The following DSCAM variants were observed in gnomAD, a reference collection of about 807,000 sequenced individuals.
DSCAM encodes the protein DS cell adhesion molecule, also known as cell adhesion molecule DSCAM.
A neutral mutation model predicts 217.7 loss-of-function variants in DSCAM; 47 were observed. The ratio of observed to expected loss-of-function variants is 0.22; its 90% CI spans 0.17 to 0.28. The LOEUF (loss-of-function observed/expected upper bound fraction) is 0.28, where lower values mean the gene tolerates loss of function less well. DSCAM is among the 10% of genes least tolerant of loss of function. The pLI is 1.00. For synonymous variants in DSCAM, 1,056 were observed against 1,015.3 expected, an observed-to-expected ratio of 1.04 and a Z score of -0.76; for missense variants, 2,080 against 2,618.3, an observed-to-expected ratio of 0.79 and a Z score of 4.49.
intron 3 of DSCAM, among the ~76,000 whole-genome samples, chr21:40,464,611 AC>A (rs1383151513): frequency 6.6e-6 from 1 of 152,110 alleles, no homozygotes; most frequent in Non-Finnish European, 1.5e-5. Flanking sequence ...TGTCCAGCCC[AC>A]TTTTAAAATA....
chr21:40,022,481 A>C (rs2146424906), intron 32 of DSCAM, among the ~76,000 whole-genome samples: 1 of 152,378 alleles, frequency 6.6e-6, no homozygotes, highest in South Asian at 2.1e-4. Flanking sequence ...CAGGATAAGC[A>C]GTTGTACCCC....
At chr21:40,415,656 G>T (rs772771608) in intron 3 of DSCAM, among the ~76,000 whole-genome samples, 3 of 152,188 alleles carry the variant, frequency 2.0e-5, no homozygotes, top group Non-Finnish European at 4.4e-5. Flanking sequence ...CTGCAGAACT[G>T]CACAAATGCC....
chr21:40,545,879 G>A (rs986128466), intron 3 of DSCAM, among the ~76,000 whole-genome samples: 1 of 152,210 alleles, frequency 6.6e-6, no homozygotes, highest in African/African-American at 2.4e-5. Context: ...GAGTGGCCAC[G>A]TGTCAAGGGC....
chr21:40,156,940 C>T (rs62235663), intron 16 of DSCAM, among the ~76,000 whole-genome samples: 13,451 of 152,112 alleles, frequency 0.088, 692 homozygotes, highest in East Asian at 0.19. Context: ...ATGAGACTCT[C>T]TCAGTTGGAT....
chr21:40,517,258 TAC>T (rs1378004436), intron 3 of DSCAM, among the ~76,000 whole-genome samples: 1 of 149,412 alleles, frequency 6.7e-6, no homozygotes, highest in Non-Finnish European at 1.5e-5. Flanking sequence ...TGTATATATA[TAC>T]CTTATATATT....
At chr21:40,253,590 C>T (rs1415686200) in intron 11 of DSCAM, among the ~76,000 whole-genome samples, 1 of 152,184 alleles carries the variant, frequency 6.6e-6, no homozygotes, top group Admixed American at 6.5e-5. Flanking sequence ...GCCTCACCCC[C>T]TGACCTCTGG....
At chr21:40,633,482 T>C (rs1276855020) in intron 3 of DSCAM, among the ~76,000 whole-genome samples, 1 of 152,140 alleles carries the variant, frequency 6.6e-6, no homozygotes, top group Non-Finnish European at 1.5e-5. Flanking sequence ...ATAAATCAAA[T>C]AAACTATTAG....
At chr21:40,666,577 A>G (rs1214536340) in intron 3 of DSCAM, among the ~76,000 whole-genome samples, 2 of 152,214 alleles carry the variant, frequency 1.3e-5, no homozygotes, top group Admixed American at 1.3e-4. Flanking sequence ...GCCTACAGTC[A>G]GGCTGGAGGC....
At chr21:40,552,017 G>A (rs1361635401) in intron 3 of DSCAM, among the ~76,000 whole-genome samples, 1 of 152,138 alleles carries the variant, frequency 6.6e-6, no homozygotes, top group African/African-American at 2.4e-5. Flanking sequence ...CAGAAAAATT[G>A]TAAGAGTTCT....
At chr21:40,157,697 C>T (rs201167825) in intron 16 of DSCAM, among the ~76,000 whole-genome samples, 9 of 146,754 alleles carry the variant, frequency 6.1e-5, no homozygotes, top group South Asian at 2.1e-4. Context: ...TTTCTTTTTT[C>T]TTTTTTTTTT....
At position 40,750,723 on chromosome 21, in the gene DSCAM, C is replaced by A. The variant is rs887708547; in HGVS notation, c.44-41952G>T. Among the ~76,000 whole-genome samples the A allele has an allele frequency of 5.3e-5, 8 of 152,160 alleles. No individual in the cohort carries two copies. In the East Asian group the frequency reaches 1.6e-3, roughly 30 times the overall value. On this transcript the variant is annotated intron_variant, in intron 1 of 32. Coordinates refer to ENST00000400454, the MANE Select transcript of DSCAM (RefSeq NM_001389.5). ...GAGCCCCTGATCTTCCTTCCCTGCC[C>A]TGTTTCCCTCACTCGATGAGCAGTC...
chr21:40,328,915 T>G (rs2074346210), intron 8 of DSCAM, among the ~76,000 whole-genome samples: 1 of 152,122 alleles, frequency 6.6e-6, no homozygotes, highest in Non-Finnish European at 1.5e-5. Context: ...TAAAAAATGC[T>G]CAACATCGCT....
chr21:40,746,975 G>A (rs1391651531), intron 1 of DSCAM, among the ~76,000 whole-genome samples: 1 of 151,888 alleles, frequency 6.6e-6, no homozygotes, highest in African/African-American at 2.4e-5. Context: ...AGAGGAGTTA[G>A]TGAAGAAATC....
At chr21:40,124,470 T>C (rs1180383558) in intron 19 of DSCAM, 142 bp from the exon 20 acceptor site, 4 of 1,047,488 alleles carry the variant, frequency 3.8e-6, no homozygotes, top group Non-Finnish European at 5.5e-6. Flanking sequence ...TCCCCCCAAA[T>C]GCATATGTTG....
intron 3 of DSCAM, among the ~76,000 whole-genome samples, chr21:40,685,499 C>G (rs1358794347): frequency 6.6e-6 from 1 of 152,220 alleles, no homozygotes; most frequent in Non-Finnish European, 1.5e-5. Context: ...TCTCCAGGAG[C>G]TCTCCTGCTC....
chr21:40,601,803 T>C (rs1249214213), intron 3 of DSCAM, among the ~76,000 whole-genome samples: 1 of 152,190 alleles, frequency 6.6e-6, no homozygotes, highest in Non-Finnish European at 1.5e-5. Context: ...TATAATGCGA[T>C]AGGTTACATT....
rs1568855221 is a variant in DSCAM, at chr21:40,498,761, GTATATATATATATGGGTGTGTATA to G, written c.509-129540_509-129517del. Reference sequence around the variant, plus strand: ...TATATATATATATATATATATGGGTGTATATATATATATGGGTGTGTATATATATATATATATATATATATATAT... The same window carrying G: ...TATATATATATATATATATATGGGTGTATATATATATATATATATATATAT... On this transcript the variant is annotated intron_variant, in intron 3 of 32. Transcript: ENST00000400454. 8.6e-3 allele frequency among the ~76,000 whole-genome samples: 253 copies of G among 29,518 alleles called. 8 individuals carry two copies. The highest frequency in any genetic ancestry group is 0.037 in the African/African-American group (242 of 6,506). 19.4% of individuals were successfully genotyped at this position (29,518 alleles called of 152,430 possible). A position where few individuals can be genotyped will look rare whatever the true frequency, so the allele number is the denominator to read the frequency against.
intron 21 of DSCAM, 93 bp from the exon 22 acceptor site, chr21:40,087,380 A>G: frequency 4.5e-6 from 4 of 887,966 alleles, no homozygotes; most frequent in Non-Finnish European, 7.4e-6. Flanking sequence ...AATACCTAAA[A>G]ATGGATGTGA....
chr21:40,332,777 T>A (rs2837571), intron 8 of DSCAM, among the ~76,000 whole-genome samples: 79,505 of 151,958 alleles, frequency 0.52, 21,137 homozygotes, highest in South Asian at 0.64. Context: ...CCACCATCAA[T>A]AATAAGCATA....
Sources: allele counts gnomAD v4.1 joint callset (sites outside exome capture counted in the v4.1 genomes callset), GRCh38; gene constraint gnomAD v4.1.1; transcripts MANE v1.5; gene names NCBI Gene and HGNC (gene_info 2026-07-23, HGNC 2026-07-21).